SMS: variants seen among roughly 807,000 people sequenced by gnomAD.
The protein encoded by SMS is spermidine aminopropyltransferase.
Under a neutral mutation model 33.0 loss-of-function variants are expected in SMS, and 3 were observed. That is an observed-to-expected ratio of 0.09 (90% CI 0.04 to 0.23). The LOEUF (loss-of-function observed/expected upper bound fraction) is 0.23. Ranked by LOEUF, SMS falls within the 10% of genes least tolerant of loss-of-function variation. SMS has a pLI of 1.00. For missense variants in SMS, 117 were observed against 288.6 expected, an observed-to-expected ratio of 0.41 and a Z score of 4.31; for synonymous variants, 103 against 112.2, an observed-to-expected ratio of 0.92 and a Z score of 0.52.
intron 1 of SMS, chrX:21,941,118 C>T (rs1921729110): frequency 1.8e-5 from 2 of 110,317 alleles, no homozygotes; most frequent in Non-Finnish European, 3.8e-5. Context: ...CCTGCAGGGG[C>T]AGTCCCGGGT....
chrX:21,959,896 C>T, intron 1 of SMS: 2 of 752,691 alleles, frequency 2.7e-6, no homozygotes, highest in Non-Finnish European at 3.1e-6. Flanking sequence ...ACCATCTTCC[C>T]GTGGAGAGAG....
intron 4 of SMS, among the ~76,000 whole-genome samples, chrX:21,976,459 A>G (rs1477874697): frequency 4.5e-5 from 5 of 111,373 alleles, no homozygotes; most frequent in Non-Finnish European, 9.4e-5. Flanking sequence ...TCTAACCATG[A>G]AGAGTGAGAG....
At chrX:21,967,376 GA>G (rs1271139737) in intron 2 of SMS, 60 bp downstream of exon 2, 127 of 1,160,859 alleles carry the variant, frequency 1.1e-4, no homozygotes, top group Non-Finnish European at 1.5e-4. Context: ...GAGGGTGACA[GA>G]GTGGAGGATG....
chrX:21,979,266 C>T (rs1924746783), intron 7 of SMS, among the ~76,000 whole-genome samples: 1 of 110,071 alleles, frequency 9.1e-6, no homozygotes, highest in African/African-American at 3.3e-5. Context: ...ATACACGTGC[C>T]ATGGTGGTTT....
chrX:21,953,777 G>A (rs1922775637), intron 1 of SMS, among the ~76,000 whole-genome samples: 1 of 111,463 alleles, frequency 9.0e-6, no homozygotes, highest in Admixed American at 9.5e-5. Context: ...CCTAATATTG[G>A]CAATCTGGTT....
chrX:21,992,116 A>G (rs1433233442), intron 9 of SMS, among the ~76,000 whole-genome samples: 1 of 112,435 alleles, frequency 8.9e-6, no homozygotes, highest in African/African-American at 3.2e-5. Flanking sequence ...TTATACACAG[A>G]TTCTAGGAAA....
chrX:21,977,324 ATTTG>A, intron 5 of SMS, 88 bp downstream of exon 5: 1 of 880,355 alleles, frequency 1.1e-6, no homozygotes, highest in Non-Finnish European at 1.7e-6. Context: ...ACTGTCGTGG[ATTTG>A]TTTGAGTTTG....
chrX:21,992,072 C>T (rs1925793715), intron 9 of SMS, among the ~76,000 whole-genome samples: 1 of 112,005 alleles, frequency 8.9e-6, no homozygotes, highest in African/African-American at 3.2e-5. Context: ...GGGGATATCC[C>T]TATCGTATAT....
At chrX:21,942,435 C>G (rs767783376) in intron 1 of SMS, among the ~76,000 whole-genome samples, 1 of 111,591 alleles carries the variant, frequency 9.0e-6, no homozygotes, top group African/African-American at 3.3e-5. Flanking sequence ...AAGTGTACAC[C>G]TCTTCGGGCT....
rs762520704 is a variant in SMS, at chrX:21,972,468, C to G, written c.265-39C>G. The G allele has an allele frequency of 7.5e-6, 7 of 939,201 alleles. No individual in the cohort carries two copies. In the East Asian group the frequency reaches 2.2e-4, roughly 29 times the overall value. The allele number at this position is 939,201 out of a possible 1,213,427, so 77.4% of individuals were successfully genotyped here. ...TCTGTAATTTAGTTCTTCCATGCAG[C>G]TTATTCTACAAGCCCATTGATTTTT... On this transcript the variant is annotated intron_variant, in intron 3 of 10. Transcript: ENST00000404933.
chrX:21,982,757 AACAT>A (rs1925050500), intron 7 of SMS, among the ~76,000 whole-genome samples: 1 of 112,723 alleles, frequency 8.9e-6, no homozygotes, highest in South Asian at 3.6e-4. Flanking sequence ...TACAAAAGAG[AACAT>A]ACATTTGTGT....
At chrX:21,951,228 G>A (rs757167922) in intron 1 of SMS, among the ~76,000 whole-genome samples, 1 of 112,281 alleles carries the variant, frequency 8.9e-6, no homozygotes, top group African/African-American at 3.2e-5. Context: ...ATGTTTGTTG[G>A]CTGCATAAAT....
chrX:21,957,666 C>T lies in SMS; in HGVS notation c.50-9530C>T, dbSNP rs898074993. 2.7e-5 allele frequency among the ~76,000 whole-genome samples: 3 copies of T among 112,285 alleles called. 1 individual carries two copies. The highest frequency in any genetic ancestry group is 5.6e-5 in the Non-Finnish European group (3 of 53,296). ...GCTGGATGCAATGGTAATTCTACTT[C>T]TAGTTCTTTAAGGAATCTCCATGCT... On this transcript the variant is annotated intron_variant, in intron 1 of 10. Coordinates refer to ENST00000404933, the MANE Select transcript of SMS (RefSeq NM_004595.5).
chrX:21,949,950 G>GA (rs5901691), intron 1 of SMS, among the ~76,000 whole-genome samples: 66 of 103,008 alleles, frequency 6.4e-4, no homozygotes, highest in African/African-American at 1.4e-3. Flanking sequence ...TTCCAAAGTG[G>GA]AAAAAAAAAA....
chrX:21,946,799 T>C (rs1445250494), intron 1 of SMS, among the ~76,000 whole-genome samples: 2 of 112,047 alleles, frequency 1.8e-5, no homozygotes, highest in Non-Finnish European at 3.8e-5. Flanking sequence ...CTGGTTTAAA[T>C]TCATACTAGA....
intron 8 of SMS, 140 bp downstream of exon 8, chrX:21,984,558 A>G: frequency 4.0e-6 from 2 of 501,297 alleles, no homozygotes; most frequent in South Asian, 5.7e-5. Context: ...TGGAAAGATG[A>G]CTGGATTTGG....
intron 1 of SMS, among the ~76,000 whole-genome samples, chrX:21,961,760 C>T (rs1428635425): frequency 8.9e-6 from 1 of 112,025 alleles, no homozygotes; most frequent in Non-Finnish European, 1.9e-5. Context: ...AGACAAAGGA[C>T]ACGTTTTGCC....
At chrX:21,947,018 T>A (rs2147487640) in intron 1 of SMS, among the ~76,000 whole-genome samples, 1 of 111,870 alleles carries the variant, frequency 8.9e-6, no homozygotes, top group Non-Finnish European at 1.9e-5. Context: ...CCTGATTTCC[T>A]GAACCATCGC....
intron 1 of SMS, among the ~76,000 whole-genome samples, chrX:21,942,207 T>G (rs1216958523): frequency 9.0e-6 from 1 of 111,014 alleles, no homozygotes; most frequent in Non-Finnish European, 1.9e-5. Context: ...CTCTTACCAT[T>G]TTTAACACTG....
Sources: gnomAD v4.1 joint callset for allele counts (sites outside exome capture counted in the v4.1 genomes callset) on GRCh38, gnomAD v4.1.1 for gene constraint, MANE v1.5 for transcripts, NCBI Gene and HGNC (gene_info 2026-07-23, HGNC 2026-07-21) for gene names.